Variants in MLF1 observed in about 807,000 individuals in gnomAD.
The protein encoded by MLF1 is myeloid leukemia factor 1.
MLF1 carries 37 observed loss-of-function variants against 38.3 expected under a neutral mutation model. The ratio of observed to expected loss-of-function variants is 0.96; its 90% CI spans 0.74 to 1.27. The LOEUF (loss-of-function observed/expected upper bound fraction) is 1.27, where lower values mean the gene tolerates loss of function less well. Among genes scored for constraint, MLF1 ranks in the 50% most tolerant of loss-of-function variants. MLF1 has a pLI of 0.00. For synonymous variants in MLF1, 95 were observed against 106.5 expected, an observed-to-expected ratio of 0.89 and a Z score of 0.66; for missense variants, 331 against 349.2, an observed-to-expected ratio of 0.95 and a Z score of 0.42.
chr3:158,589,592 A>G (rs943897714), intron 1 of MLF1, among the ~76,000 whole-genome samples: 1 of 152,238 alleles, frequency 6.6e-6, no homozygotes, highest in African/African-American at 2.4e-5. Flanking sequence ...TTCCTACTCT[A>G]GAAGAACTTA....
intron 1 of MLF1, chr3:158,582,702 G>C: frequency 2.0e-6 from 1 of 496,580 alleles, no homozygotes; most frequent in Non-Finnish European, 3.5e-6. Flanking sequence ...ATAAAGTGTT[G>C]AGAGGAAAAA....
At chr3:158,583,539 A>C (rs1716740529) in intron 1 of MLF1, among the ~76,000 whole-genome samples, 1 of 152,208 alleles carries the variant, frequency 6.6e-6, no homozygotes. Flanking sequence ...TTTGGGAAGC[A>C]TGTAAAAACA....
intron 5 of MLF1, 73 bp downstream of exon 5, chr3:158,598,281 C>A: frequency 6.9e-6 from 9 of 1,301,114 alleles, no homozygotes; most frequent in East Asian, 2.8e-5. Flanking sequence ...CAAATTTTAA[C>A]TATTAAAATT....
At chr3:158,588,211 A>C (rs961143624) in intron 1 of MLF1, among the ~76,000 whole-genome samples, 1 of 152,158 alleles carries the variant, frequency 6.6e-6, no homozygotes, top group Admixed American at 6.5e-5. Context: ...TCAAGACTTG[A>C]GATGACTAAA....
At chr3:158,572,130 G>GA in intron 1 of MLF1, among the ~76,000 whole-genome samples, 1 of 115,528 alleles carries the variant, frequency 8.7e-6, no homozygotes. Context: ...GAGAGTTGAA[G>GA]GTGTGAGGTG....
intron 3 of MLF1, among the ~76,000 whole-genome samples, chr3:158,596,313 G>T (rs372725398): frequency 6.6e-6 from 1 of 152,034 alleles, no homozygotes; most frequent in East Asian, 1.9e-4. Flanking sequence ...CAAATTGAAG[G>T]CCTATTAGTA....
chr3:158,596,613 A>G (rs1181873705), intron 3 of MLF1, among the ~76,000 whole-genome samples: 1 of 152,158 alleles, frequency 6.6e-6, no homozygotes, highest in Non-Finnish European at 1.5e-5. Context: ...ACATGCACAT[A>G]TATGTATTTA....
At chr3:158,577,176 G>A (rs1715593149) in intron 1 of MLF1, among the ~76,000 whole-genome samples, 1 of 152,084 alleles carries the variant, frequency 6.6e-6, no homozygotes, top group Admixed American at 6.5e-5. Flanking sequence ...GGAAGTAGTT[G>A]GATTTATTAA....
At chr3:158,597,891 C>T (rs922597094) in intron 4 of MLF1, among the ~76,000 whole-genome samples, 189 bp from the exon 5 acceptor site, 1 of 151,972 alleles carries the variant, frequency 6.6e-6, no homozygotes, top group Non-Finnish European at 1.5e-5. Context: ...CTAGGGGTGA[C>T]TTTTTTTGGG....
chr3:158,581,414 C>G (rs1477059916), intron 1 of MLF1, among the ~76,000 whole-genome samples: 1 of 152,122 alleles, frequency 6.6e-6, no homozygotes, highest in Non-Finnish European at 1.5e-5. Flanking sequence ...ACTTTTTTAC[C>G]AAAGCCCAGT....
chr3:158,604,856 A>G (rs1465578746), intron 7 of MLF1, among the ~76,000 whole-genome samples: 2 of 152,108 alleles, frequency 1.3e-5, no homozygotes, highest in Non-Finnish European at 2.9e-5. Context: ...ATGGGGTTTC[A>G]TCATGTTGGC....
At chr3:158,575,653 C>T (rs1212872874) in intron 1 of MLF1, among the ~76,000 whole-genome samples, 1 of 151,980 alleles carries the variant, frequency 6.6e-6, no homozygotes, top group Non-Finnish European at 1.5e-5. Flanking sequence ...AAATATTATC[C>T]CTGTTGCTAA....
rs1378278155 is a variant in MLF1, at chr3:158,571,461, T to C, written c.47+114T>C. The C allele has an allele frequency of 3.8e-6, 5 of 1,328,884 alleles. No homozygotes were observed. The African/African-American group carries it at 5.9e-5, about 16-fold the overall frequency. 82.3% of individuals were successfully genotyped at this position (1,328,884 alleles called of 1,614,324 possible). A position where few individuals can be genotyped will look rare whatever the true frequency, so the allele number is the denominator to read the frequency against. Reference sequence around the variant, plus strand: ...GGCGAGAGAGAATTCGGAGTAACTCTGGAGGCGGTTTGAAGGAGACGAGGA... The same window carrying C: ...GGCGAGAGAGAATTCGGAGTAACTCCGGAGGCGGTTTGAAGGAGACGAGGA... On this transcript the variant is annotated intron_variant, in intron 1 of 7. Transcript: ENST00000466246.
At position 158,586,473 on chromosome 3, in the gene MLF1, C is replaced by T. The variant is rs542154260; in HGVS notation, c.48-5961C>T. Among the ~76,000 whole-genome samples, 10 of 152,170 alleles carry T rather than the reference C, an allele frequency of 6.6e-5. No individual in the cohort carries two copies. The South Asian group carries it at 1.2e-3, about 19-fold the overall frequency. ...AGTTTGAGTGTGAAATGAATTTAGA[C>T]GTAAGATACTAAGGGTTTACTGTGT... On this transcript the variant is annotated intron_variant, in intron 1 of 7. Coordinates refer to ENST00000466246, the MANE Select transcript of MLF1 (RefSeq NM_001369783.1).
At chr3:158,590,397 T>C (rs1246414030) in intron 1 of MLF1, among the ~76,000 whole-genome samples, 1 of 152,218 alleles carries the variant, frequency 6.6e-6, no homozygotes, top group African/African-American at 2.4e-5. Flanking sequence ...CATACTCTTC[T>C]AATACAAGCC....
intron 1 of MLF1, among the ~76,000 whole-genome samples, chr3:158,574,459 GGA>G: frequency 6.8e-6 from 1 of 148,002 alleles, no homozygotes; most frequent in Non-Finnish European, 1.5e-5. Context: ...CCAGAGGTCA[GGA>G]GTTGGAGACC....
chr3:158,599,515 G>C (rs1046862080), intron 5 of MLF1, among the ~76,000 whole-genome samples: 22 of 152,110 alleles, frequency 1.4e-4, no homozygotes, highest in African/African-American at 4.8e-4. Context: ...CTTTCTAAAA[G>C]TGACAAACTT....
chr3:158,577,383 G>A (rs930510482), intron 1 of MLF1, among the ~76,000 whole-genome samples: 1 of 152,030 alleles, frequency 6.6e-6, no homozygotes, highest in Non-Finnish European at 1.5e-5. Flanking sequence ...TAGAGTCTCT[G>A]CCAAATTGTC....
chr3:158,580,448 A>T (rs1029979010), intron 1 of MLF1, among the ~76,000 whole-genome samples: 4 of 152,210 alleles, frequency 2.6e-5, no homozygotes, highest in Admixed American at 6.5e-5. Flanking sequence ...GTGCTAAAAC[A>T]TGAGCTGCTC....
Sources: allele counts gnomAD v4.1 joint callset (sites outside exome capture counted in the v4.1 genomes callset), GRCh38; gene constraint gnomAD v4.1.1; transcripts MANE v1.5; gene names NCBI Gene and HGNC (gene_info 2026-07-23, HGNC 2026-07-21).